Variants in AHNAK2 observed in about 807,000 individuals in gnomAD.
AHNAK2 encodes protein AHNAK2.
In AHNAK2, 18 loss-of-function variants were observed where a neutral mutation model predicts 30.7. The observed-to-expected ratio is 0.59, with a 90% CI of 0.41 to 0.87. The LOEUF (loss-of-function observed/expected upper bound fraction) is 0.87, where lower values mean the gene tolerates loss of function less well. Among genes scored for constraint, AHNAK2 ranks in the 40% least tolerant of loss-of-function variants. AHNAK2 has a pLI of 0.00. For synonymous variants in AHNAK2, 3,590 were observed against 3,073.8 expected (o/e 1.17, Z -5.56); for missense variants, 8,604 against 7,373.0 (o/e 1.17, Z -6.11).
Position 104,954,437 on chromosome 14 carries a change from CG to C in AHNAK2, c.1013del (p.Ser338Ter), listed in dbSNP as rs1566920982. The C allele has an allele frequency of 1.2e-6, 2 of 1,612,550 alleles. No homozygotes were observed. Among genetic ancestry groups the C allele is most frequent in the Admixed American group, 3.3e-5 (2 of 59,966 alleles). On this transcript the variant is annotated frameshift_variant, in exon 7 of 7. Coordinates refer to ENST00000333244, the MANE Select transcript of AHNAK2 (RefSeq NM_138420.4). LOFTEE classifies it low-confidence loss of function (END_TRUNC). This position sits in a 1 kb window ranked among gnomAD's most constrained non-coding sequence, Gnocchi z 4.3. ...FRTGSGQGPS[S>X]TGQPGRGFQS... ...GGAACCCCCTGCCTGGCTGTCCTGTCGATGAAGGGCCCTGTCCCGAGCCTGT... is the reference window on the plus strand; with the variant it reads ...GGAACCCCCTGCCTGGCTGTCCTGTCATGAAGGGCCCTGTCCCGAGCCTGT...
chr14:104,943,147 C>T lies in AHNAK2; in HGVS notation c.12304G>A (p.Asp4102Asn). The part of the protein sequence containing the change: ...VKMSLSSMEV[D>N]VQAPRAKLDG... ...AGCTTTGCTCTCGGGGCCTGGACGT[C>T]CACCTCCATGCTGGACAGAGACATC... Residue 4102 changes from aspartate to asparagine, a missense_variant, in exon 7 of 7, where the codon GAC becomes AAC. Coordinates refer to ENST00000333244, the MANE Select transcript of AHNAK2 (RefSeq NM_138420.4). The T allele has an allele frequency of 6.2e-7, 1 of 1,613,424 alleles. No homozygotes were observed. The highest frequency in any genetic ancestry group is 8.5e-7 in the Non-Finnish European group (1 of 1,179,686).
At position 104,949,627 on chromosome 14, in the gene AHNAK2, C is replaced by G; in HGVS notation, c.5824G>C (p.Val1942Leu). Residue 1942 changes from valine (V) to leucine (L), a missense_variant, in exon 7 of 7, where the codon GTG becomes CTG. Physicochemically the swap from Val to Leu is conservative, Grantham distance 32 (BLOSUM62 1). Coordinates refer to ENST00000333244, the MANE Select transcript of AHNAK2 (RefSeq NM_138420.4). ...GACACCTCGACATCGGGGGCTGTCACTTCCGCCTTGGGGCCTTTCAGGTCC... is the reference window on the plus strand; with the variant it reads ...GACACCTCGACATCGGGGGCTGTCAGTTCCGCCTTGGGGCCTTTCAGGTCC... The part of the protein sequence containing the change: ...KLDLKGPKAE[V>L]TAPDVEVSLP... 6.3e-7 allele frequency: 1 copy of G among 1,588,958 alleles called. No individual in the cohort carries two copies. Among genetic ancestry groups the G allele is most frequent in the Non-Finnish European group, 8.6e-7 (1 of 1,163,376 alleles).
chr14:104,943,415 C>G lies in AHNAK2; in HGVS notation c.12036G>C (p.Lys4012Asn). 1 of 1,613,366 alleles carries G rather than the reference C, an allele frequency of 6.2e-7. No homozygotes were observed. The highest frequency in any genetic ancestry group is 8.5e-7 in the Non-Finnish European group (1 of 1,179,680). The change falls in exon 7 of 7, where the codon AAG (lysine) becomes AAC (asparagine). Residue 4012 changes from lysine to asparagine, a missense_variant. Coordinates refer to ENST00000333244, the MANE Select transcript of AHNAK2 (RefSeq NM_138420.4). ...GGGGCTGAACGCTGAGGTCAGTGGC[C>G]TTGAGGTCCCCCTGCATGGAAGGGA... ...VSLPSMQGDL[K>N]ATDLSVQPPS...
At position 104,939,858 on chromosome 14, in the gene AHNAK2, G is replaced by A. The variant is rs761496001; in HGVS notation, c.15593C>T (p.Pro5198Leu). 1.2e-6 allele frequency: 2 copies of A among 1,613,646 alleles called. No homozygotes were observed. The highest frequency in any genetic ancestry group is 2.7e-5 in the African/African-American group (2 of 74,924). ...SWFKMPKFRM[P>L]SLRRSFRDRG... is the part of the protein sequence containing the mutation. The stretch of plus-strand genomic sequence containing the variant: ...GTCCCTGAAAGAGCGCCTAAGGCTG[G>A]GCATGCGGAACTTGGGCATTTTAAA... The change falls in exon 7 of 7, where the codon CCC (proline) becomes CTC (leucine). Residue 5198 changes from proline (P) to leucine (L), a missense_variant. Pro to Leu is a moderately conservative substitution (Grantham distance 98). Coordinates refer to ENST00000333244, the MANE Select transcript of AHNAK2 (RefSeq NM_138420.4).
At chr14:104,965,401 C>CAAAAAAAAACAAAAA (rs1899271435) in intron 1 of AHNAK2, among the ~76,000 whole-genome samples, 1 of 85,520 alleles carries the variant, frequency 1.2e-5, no homozygotes, top group Non-Finnish European at 2.3e-5. Flanking sequence ...AACTCTGTCT[C>CAAAAAAAAACAAAAA]AAAAAAAAAA....
intron 1 of AHNAK2, among the ~76,000 whole-genome samples, chr14:104,963,621 G>C (rs533881649): frequency 6.6e-6 from 1 of 152,234 alleles, no homozygotes; most frequent in South Asian, 2.1e-4. Flanking sequence ...ACGAGGTCAG[G>C]AGATCGAGAC....
rs770526248 is a variant in AHNAK2 at position 104,953,679 on chromosome 14, C to T, written c.1772G>A (p.Gly591Glu). The T allele has an allele frequency of 4.1e-5, 66 of 1,613,914 alleles. No homozygotes were observed. The highest frequency in any genetic ancestry group is 5.5e-5 in the Non-Finnish European group (65 of 1,179,888). Residue 591 changes from glycine to glutamate, a missense_variant, in exon 7 of 7, where the codon GGA becomes GAA. Physicochemically the swap from Gly to Glu is moderately conservative, Grantham distance 98. Transcript: ENST00000333244. ...CTTTGTGTGCTTGCTTGGCGACCATCCTAAGGAGGGTATCTTGAACTTGGG... is the reference window on the plus strand; with the variant it reads ...CTTTGTGTGCTTGCTTGGCGACCATTCTAAGGAGGGTATCTTGAACTTGGG... ...RMPKFKIPSL[G>E]WSPSKHTKTG...
intron 1 of AHNAK2, among the ~76,000 whole-genome samples, chr14:104,962,344 C>T (rs951603925): frequency 3.9e-5 from 6 of 152,170 alleles, no homozygotes; most frequent in Non-Finnish European, 7.3e-5. Flanking sequence ...CAAGACAGTG[C>T]GGCAGAAACA....
At position 104,949,790 on chromosome 14, in the gene AHNAK2, C is replaced by T; in HGVS notation, c.5661G>A (p.Val1887=). 1.3e-6 allele frequency: 2 copies of T among 1,587,322 alleles called. No individual in the cohort carries two copies. Among genetic ancestry groups the T allele is most frequent in the Non-Finnish European group, 1.7e-6 (2 of 1,163,110 alleles). ...CCTGGCCCTCCGGGAGCTTCATGTC[C>T]ACTTGGCCAGCCTGGACCACCAGGT... ...SADLVVQAGQ[V]DMKLPEGQVP... Residue 1887 remains valine (V), a synonymous_variant, in exon 7 of 7, where the codon GTG becomes GTA. Transcript: ENST00000333244.
At chr14:104,969,283 G>A (rs751530673) in intron 1 of AHNAK2, among the ~76,000 whole-genome samples, 3 of 152,186 alleles carry the variant, frequency 2.0e-5, no homozygotes, top group Non-Finnish European at 4.4e-5. Context: ...ACCCTCTCCC[G>A]AAACAACCTT....
intron 1 of AHNAK2, among the ~76,000 whole-genome samples, chr14:104,964,421 T>C (rs976574096): frequency 1.3e-5 from 2 of 152,118 alleles, no homozygotes; most frequent in African/African-American, 4.8e-5. Context: ...GGAAACAGCC[T>C]GGTAGAGCCT....
chr14:104,949,655 C>A lies in AHNAK2; in HGVS notation c.5796G>T (p.Lys1932Asn), dbSNP rs1405358782. Residue 1932 changes from lysine to asparagine, a missense_variant, in exon 7 of 7, where the codon AAG (lysine) becomes AAT (asparagine). Transcript: ENST00000333244. ...CCGCCTTGGGGCCTTTCAGGTCCAGCTTGGCGCCCTTAACATCTGTCTGGG... is the reference window on the plus strand; with the variant it reads ...CCGCCTTGGGGCCTTTCAGGTCCAGATTGGCGCCCTTAACATCTGTCTGGG... ...KGPQTDVKGAKLDLKGPKAEV... is the reference protein window; with the variant it reads ...KGPQTDVKGANLDLKGPKAEV... 15 of 1,587,712 alleles carry A rather than the reference C, an allele frequency of 9.4e-6. 1 individual carries two copies. The highest frequency in any genetic ancestry group is 1.3e-5 in the Non-Finnish European group (15 of 1,163,060).
Position 104,943,901 on chromosome 14 carries a change from G to T in AHNAK2, c.11550C>A (p.Asp3850Glu). 1.9e-6 allele frequency: 3 copies of T among 1,613,250 alleles called. No homozygotes were observed. Among genetic ancestry groups the T allele is most frequent in the Non-Finnish European group, 1.7e-6 (2 of 1,179,622 alleles). ...PSMQGDLKTT[D>E]LSIQPHSADL... is the part of the protein sequence containing the mutation. ...CGGCAGAATGGGGCTGAATGCTGAG[G>T]TCAGTGGTCTTGAGGTCCCCCTGCA... Residue 3850 changes from aspartate (D) to glutamate (E), a missense_variant, in exon 7 of 7, where the codon GAC becomes GAA. Asp to Glu is a conservative substitution (Grantham distance 45). Transcript: ENST00000333244.
rs1346754884 is a variant in AHNAK2 at position 104,938,807 on chromosome 14, T to C, written c.16644A>G (p.Thr5548=). Reference sequence around the variant, plus strand: ...GGGTGGCTTGTATGGGAGCCTCTTCTGTGCCCTCCTGAGTCCTAGAGTGTT... The same window carrying C: ...GGGTGGCTTGTATGGGAGCCTCTTCCGTGCCCTCCTGAGTCCTAGAGTGTT... The part of the protein sequence containing the change: ...MTQHSRTQEG[T]EEAPIQATPG... The change falls in exon 7 of 7, where the codon ACA becomes ACG. Residue 5548 remains threonine, a synonymous_variant. Transcript: ENST00000333244. 6.2e-7 allele frequency: 1 copy of C among 1,613,970 alleles called. No individual in the cohort carries two copies.
intron 1 of AHNAK2, among the ~76,000 whole-genome samples, chr14:104,977,837 G>C (rs1159841664): frequency 2.0e-5 from 3 of 152,344 alleles, no homozygotes; most frequent in African/African-American, 4.8e-5. Context: ...AGCGTCCCAG[G>C]AGCGGGGCAG....
At position 104,950,314 on chromosome 14, in the gene AHNAK2, C is replaced by G; in HGVS notation, c.5137G>C (p.Ala1713Pro). Reference sequence around the variant, plus strand: ...TGGCCAGCCTGGACCTCCAGGTCGGCGGAAGGGGACTGAATGCTGAGGTCA... The same window carrying G: ...TGGCCAGCCTGGACCTCCAGGTCGGGGGAAGGGGACTGAATGCTGAGGTCA... ...TTDLSIQSPS[A>P]DLEVQAGQVN... The change falls in exon 7 of 7, where the codon GCC becomes CCC. Residue 1713 changes from alanine to proline, a missense_variant. By Grantham distance (27) the Ala-to-Pro change is conservative. Coordinates refer to ENST00000333244, the MANE Select transcript of AHNAK2 (RefSeq NM_138420.4). 1.3e-6 allele frequency: 2 copies of G among 1,584,670 alleles called. No individual in the cohort carries two copies. Among genetic ancestry groups the G allele is most frequent in the East Asian group, 2.3e-5 (1 of 44,348 alleles).
chr14:104,948,407 C>T lies in AHNAK2; in HGVS notation c.7044G>A (p.Val2348=), dbSNP rs368634740. The T allele has an allele frequency of 6.2e-7, 1 of 1,612,330 alleles. No individual in the cohort carries two copies. The highest frequency in any genetic ancestry group is 1.3e-5 in the African/African-American group (1 of 74,186). The change falls in exon 7 of 7, where the codon GTG becomes GTA. Residue 2348 remains valine (V), a synonymous_variant. Coordinates refer to ENST00000333244, the MANE Select transcript of AHNAK2 (RefSeq NM_138420.4). ...EASADVSALK[V]EADVSLPSMQ... is the part of the protein sequence containing the mutation. ...TGGAGGGGAGGCTCACGTCGGCCTCCACCTTCAACGCAGACACATCCGCTG... is the reference window on the plus strand; with the variant it reads ...TGGAGGGGAGGCTCACGTCGGCCTCTACCTTCAACGCAGACACATCCGCTG...
intron 1 of AHNAK2, among the ~76,000 whole-genome samples, chr14:104,960,956 A>G (rs1045874919): frequency 4.0e-5 from 6 of 151,184 alleles, no homozygotes; most frequent in Non-Finnish European, 7.4e-5. Context: ...ACATGGTGAA[A>G]CCCCTCTCTA....
At position 104,966,998 on chromosome 14, in the gene AHNAK2, A is replaced by G. The variant is rs777574118; in HGVS notation, c.56-9326T>C. 3.9e-5 allele frequency among the ~76,000 whole-genome samples: 6 copies of G among 152,150 alleles called. No individual in the cohort carries two copies. The highest frequency in any genetic ancestry group is 8.8e-5 in the Non-Finnish European group (6 of 68,014). ...AGCCAGTAGGTGTGGAGCTGGGGCAACTACCTAGCAGGGCTGGGGGCAGAG... is the reference window on the plus strand; with the variant it reads ...AGCCAGTAGGTGTGGAGCTGGGGCAGCTACCTAGCAGGGCTGGGGGCAGAG... On this transcript the variant is annotated intron_variant, in intron 1 of 6. Coordinates refer to ENST00000333244, the MANE Select transcript of AHNAK2 (RefSeq NM_138420.4). The surrounding 1 kb of genome is among the most constrained non-coding windows in gnomAD (Gnocchi z 4.3).
Sources: allele counts gnomAD v4.1 joint callset (sites outside exome capture counted in the v4.1 genomes callset), GRCh38; gene constraint gnomAD v4.1.1; non-coding constraint Gnocchi (gnomAD v3.1); transcripts MANE v1.5; gene names NCBI Gene and HGNC (gene_info 2026-07-23, HGNC 2026-07-21).